RBL2: variants seen among roughly 807,000 people sequenced by gnomAD.
RBL2 encodes the protein RB transcriptional corepressor like 2, also known as retinoblastoma-like protein 2.
RBL2 carries 56 observed loss-of-function variants against 126.0 expected under a neutral mutation model. That is an observed-to-expected ratio of 0.44 (90% CI 0.36 to 0.56). RBL2 has a LOEUF of 0.56. Among genes scored for constraint, RBL2 ranks in the 20% least tolerant of loss-of-function variants. RBL2 has a pLI of 0.00. For missense variants in RBL2, 1,229 were observed against 1,398.2 expected, an observed-to-expected ratio of 0.88 and a Z score of 1.93; for synonymous variants, 454 against 478.5, an observed-to-expected ratio of 0.95 and a Z score of 0.67.
At chr16:53,465,770 G>A in intron 13 of RBL2, 168 bp downstream of exon 13, 1 of 482,612 alleles carries the variant, frequency 2.1e-6, no homozygotes. Context: ...AAATTGGGAA[G>A]GTGCCAAGAG....
Position 53,481,917 on chromosome 16 carries a change from A to T in RBL2, c.3249+82A>T, listed in dbSNP as rs534113783. On this transcript the variant is annotated intron_variant, in intron 21 of 21. Transcript: ENST00000262133. ...AACAGGGTTTGTGCTAAGCTTAGGC[A>T]CTCATTAGAGTGATGAGAGCTGCCA... 122 of 1,469,428 alleles carry T rather than the reference A, an allele frequency of 8.3e-5. 3 individuals carry two copies. The South Asian group carries it at 1.4e-3, about 16-fold the overall frequency. 91.0% of individuals were successfully genotyped at this position (1,469,428 alleles called of 1,614,324 possible).
chr16:53,467,208 T>C, intron 14 of RBL2, 39 bp downstream of exon 14: 1 of 1,503,090 alleles, frequency 6.7e-7, no homozygotes, highest in Non-Finnish European at 9.2e-7. Context: ...TGGGGCTTAC[T>C]ATCTGGAAAT....
At chr16:53,460,281 G>A (rs1010020468) in intron 9 of RBL2, among the ~76,000 whole-genome samples, 6 of 152,132 alleles carry the variant, frequency 3.9e-5, no homozygotes, top group African/African-American at 9.7e-5. Context: ...ATATGATAAC[G>A]TAGACCCAAA....
chr16:53,458,038 G>T (rs1410718185), intron 8 of RBL2, among the ~76,000 whole-genome samples: 1 of 152,134 alleles, frequency 6.6e-6, no homozygotes, highest in South Asian at 2.1e-4. Flanking sequence ...CCTTTTGAAT[G>T]CAATAATCTA....
intron 8 of RBL2, 79 bp downstream of exon 8, chr16:53,454,921 G>T: frequency 7.7e-7 from 1 of 1,291,456 alleles, no homozygotes; most frequent in Non-Finnish European, 1.0e-6. Context: ...GTAATTTCAT[G>T]TTTGTGTTTT....
intron 14 of RBL2, among the ~76,000 whole-genome samples, chr16:53,468,046 C>T (rs1012592494): frequency 1.3e-5 from 2 of 152,180 alleles, no homozygotes; most frequent in African/African-American, 4.8e-5. Flanking sequence ...ATTTTTTAGG[C>T]AGCTGCTTAG....
At chr16:53,481,001 A>T (rs534805434) in intron 20 of RBL2, 5 of 371,762 alleles carry the variant, frequency 1.3e-5, no homozygotes, top group Non-Finnish European at 2.5e-5. Flanking sequence ...TCTACTAAAA[A>T]TACAAAAATG....
chr16:53,453,837 GT>G (rs2058139930), intron 7 of RBL2, 68 bp downstream of exon 7: 1 of 1,334,870 alleles, frequency 7.5e-7, no homozygotes, highest in Non-Finnish European at 1.0e-6. Context: ...AGAAGTTAGT[GT>G]TTTTATTGTT....
chr16:53,466,758 C>G lies in RBL2; in HGVS notation c.1864-300C>G. ...TGCTGCTCACCTCCTGCTATGTTGC[C>G]CAGTTCCTAACAGGGTCCATGGCCC... On this transcript the variant is annotated intron_variant, in intron 13 of 21. Coordinates refer to ENST00000262133, the MANE Select transcript of RBL2 (RefSeq NM_005611.4). 3 of 237,908 alleles carry G rather than the reference C, an allele frequency of 1.3e-5. No individual in the cohort carries two copies. The South Asian group carries it at 1.7e-4, about 13-fold the overall frequency. The allele number at this position is 237,908 out of a possible 1,614,324, so 14.7% of individuals were successfully genotyped here. A position where few individuals can be genotyped will look rare whatever the true frequency, so the allele number is the denominator to read the frequency against.
intron 7 of RBL2, chr16:53,454,199 AG>A: frequency 2.2e-6 from 1 of 453,400 alleles, no homozygotes; most frequent in South Asian, 1.6e-5. Flanking sequence ...GATACTATCC[AG>A]TTTTTGTTTT....
rs1164272305 is a variant in RBL2, at chr16:53,480,756, A to G, written c.3071A>G (p.Tyr1024Cys). 1 of 1,612,030 alleles carries G rather than the reference A, an allele frequency of 6.2e-7. No homozygotes were observed. The highest frequency in any genetic ancestry group is 2.2e-5 in the East Asian group (1 of 44,866). Residue 1024 changes from tyrosine (Y) to cysteine (C), a missense_variant, in exon 20 of 22, where the codon TAC becomes TGC. Physicochemically the swap from Tyr to Cys is radical, Grantham distance 194. Coordinates refer to ENST00000262133, the MANE Select transcript of RBL2 (RefSeq NM_005611.4). The part of the protein sequence containing the change: ...IKQIKTFAMK[Y>C]SQANMDAPPL... ...CAGATTAAGACATTTGCCATGAAGT[A>G]CTCACAGGCAAATGTAAGTATGACA...
chr16:53,459,174 TAG>T (rs2058195509), intron 8 of RBL2, among the ~76,000 whole-genome samples: 1 of 152,222 alleles, frequency 6.6e-6, no homozygotes, highest in Non-Finnish European at 1.5e-5. Context: ...TACCTTATTT[TAG>T]AGTTTTAACT....
intron 11 of RBL2, among the ~76,000 whole-genome samples, chr16:53,462,927 G>A (rs769878837): frequency 1.3e-5 from 2 of 152,094 alleles, no homozygotes; most frequent in Admixed American, 1.3e-4. Context: ...TGCAACCTCC[G>A]CCTCCTGGGT....
chr16:53,470,595 G>A lies in RBL2; in HGVS notation c.2458G>A (p.Gly820Ser). The A allele has an allele frequency of 1.2e-6, 2 of 1,614,226 alleles. No individual in the cohort carries two copies. The highest frequency in any genetic ancestry group is 2.2e-5 in the East Asian group (1 of 44,890). The change falls in exon 16 of 22, where the codon GGC becomes AGC. Residue 820 changes from glycine (G) to serine (S), a missense_variant. Transcript: ENST00000262133. ...ISPGGQQQKQ[G>S]QSVTSSSNRP... ...CCCAGGTGGCCAACAGCAGAAGCAA[G>A]GCCAGTCTGTAACCAGCAGTAGTAA... is the stretch of plus-strand genomic sequence containing the variant.
At chr16:53,479,371 T>C (rs767281866) in intron 18 of RBL2, 146 bp downstream of exon 18, 6 of 636,838 alleles carry the variant, frequency 9.4e-6, no homozygotes, top group Non-Finnish European at 1.6e-5. Flanking sequence ...TTAATCTTTA[T>C]TCTTGATGTC....
chr16:53,446,719 C>T (rs2058065550), intron 3 of RBL2, among the ~76,000 whole-genome samples: 1 of 152,108 alleles, frequency 6.6e-6, no homozygotes, highest in Non-Finnish European at 1.5e-5. Context: ...ATATAGTGGT[C>T]CTAAAGCAGC....
chr16:53,475,023 C>T (rs969222879), intron 17 of RBL2, among the ~76,000 whole-genome samples: 8 of 152,066 alleles, frequency 5.3e-5, no homozygotes, highest in Admixed American at 3.9e-4. Context: ...TGAATAATTC[C>T]GTCTCTTATT....
At chr16:53,464,441 T>G (rs1406877502) in intron 12 of RBL2, 78 bp downstream of exon 12, 1 of 1,225,736 alleles carries the variant, frequency 8.2e-7, no homozygotes, top group African/African-American at 1.5e-5. Context: ...TAGTTCAAGT[T>G]AACATCTAAG....
At chr16:53,442,573 A>G (rs1384185238) in intron 2 of RBL2, 85 bp from the exon 3 acceptor site, 8 of 972,170 alleles carry the variant, frequency 8.2e-6, no homozygotes, top group Admixed American at 2.6e-5. Flanking sequence ...TTAATGCGAT[A>G]ATATTGATTT....
Sources: gnomAD v4.1 joint callset for allele counts (sites outside exome capture counted in the v4.1 genomes callset) on GRCh38, gnomAD v4.1.1 for gene constraint, MANE v1.5 for transcripts, NCBI Gene and HGNC (gene_info 2026-07-23, HGNC 2026-07-21) for gene names.